The following EMC2 variants were observed in gnomAD, a reference collection of about 807,000 sequenced individuals.
EMC2 encodes the protein ER membrane protein complex subunit 2, also known as TPR repeat protein 35.
Under a neutral mutation model 51.6 loss-of-function variants are expected in EMC2, and 37 were observed. The ratio of observed to expected loss-of-function variants is 0.72; its 90% CI spans 0.55 to 0.94. The LOEUF (loss-of-function observed/expected upper bound fraction) is 0.94. EMC2 is among the 40% of genes least tolerant of loss of function. The pLI is 0.00. For missense variants in EMC2, 359 were observed against 350.9 expected (o/e 1.02, Z -0.18); for synonymous variants, 131 against 112.4 (o/e 1.17, Z -1.04).
At chr8:108,477,581 A>T (rs1810969455) in intron 9 of EMC2, among the ~76,000 whole-genome samples, 1 of 152,046 alleles carries the variant, frequency 6.6e-6, no homozygotes, top group South Asian at 2.1e-4. Flanking sequence ...AAAGGAACTG[A>T]GTGAAGAAAT....
chr8:108,469,923 A>G lies in EMC2; in HGVS notation c.449+12A>G, dbSNP rs774154743. ...GAGTATCTGGAACAGTGAGTATTTT[A>G]CAAGAGGATTGTGTTTTGTTATTCT... On this transcript the variant is annotated intron_variant, in intron 6 of 10. Coordinates refer to ENST00000220853, the MANE Select transcript of EMC2 (RefSeq NM_014673.5). 2.5e-6 allele frequency: 4 copies of G among 1,597,768 alleles called. No homozygotes were observed. Among genetic ancestry groups the G allele is most frequent in the Non-Finnish European group, 3.4e-6 (4 of 1,165,422 alleles).
intron 5 of EMC2, among the ~76,000 whole-genome samples, chr8:108,469,051 C>G (rs1224586263): frequency 6.6e-6 from 1 of 152,160 alleles, no homozygotes; most frequent in Non-Finnish European, 1.5e-5. Flanking sequence ...GTCAGAATCT[C>G]TTCCTTATTT....
chr8:108,481,784 A>G (rs1232428343), intron 10 of EMC2, among the ~76,000 whole-genome samples: 1 of 152,060 alleles, frequency 6.6e-6, no homozygotes, highest in Non-Finnish European at 1.5e-5. Context: ...ATAACCCTAT[A>G]GTTTATGGAA....
intron 5 of EMC2, among the ~76,000 whole-genome samples, chr8:108,466,442 ATTTTTTTTT>A (rs869102478): frequency 1.1e-5 from 1 of 91,060 alleles, no homozygotes; most frequent in African/African-American, 4.7e-5. Flanking sequence ...CTATGATAGA[ATTTTTTTTT>A]TTTTTTTTTT....
chr8:108,461,569 T>C (rs1439500803), intron 5 of EMC2, among the ~76,000 whole-genome samples: 2 of 152,150 alleles, frequency 1.3e-5, no homozygotes, highest in Admixed American at 1.3e-4. Flanking sequence ...TAAGCCTTTA[T>C]TAAAGTACAA....
At chr8:108,481,131 G>GT (rs1006856369) in intron 10 of EMC2, among the ~76,000 whole-genome samples, 3 of 151,960 alleles carry the variant, frequency 2.0e-5, no homozygotes, top group African/African-American at 7.3e-5. Flanking sequence ...CTGTTACCTA[G>GT]TTTTTTTGAA....
chr8:108,447,706 C>T (rs1247810018), intron 1 of EMC2, among the ~76,000 whole-genome samples: 1 of 152,104 alleles, frequency 6.6e-6, no homozygotes, highest in East Asian at 1.9e-4. Flanking sequence ...TAACCTTTGA[C>T]CTTTAGCTCA....
chr8:108,471,704 G>A (rs13258219), intron 7 of EMC2, among the ~76,000 whole-genome samples: 13 of 151,662 alleles, frequency 8.6e-5, no homozygotes, highest in Non-Finnish European at 1.6e-4. Flanking sequence ...TATTTTTAAC[G>A]AGTTTCCTAG....
At chr8:108,449,312 C>T (rs1334851678) in intron 1 of EMC2, among the ~76,000 whole-genome samples, 5 of 148,872 alleles carry the variant, frequency 3.4e-5, no homozygotes, top group African/African-American at 9.9e-5. Flanking sequence ...CTTGCTTTGT[C>T]ACTCAAGCTG....
At chr8:108,459,703 T>TGAGAGA (rs71303985) in intron 5 of EMC2, among the ~76,000 whole-genome samples, 2,664 of 126,252 alleles carry the variant, frequency 0.021, 55 homozygotes, top group East Asian at 0.089. Context: ...CCAAGCCATG[T>TGAGAGA]GAGAGAGAGA....
In EMC2 at chr8:108,485,554, TACACAC is replaced by T. The variant is rs1167425076; in HGVS notation, c.808-948_808-943del. On this transcript the variant is annotated intron_variant, in intron 10 of 10. Coordinates refer to ENST00000220853, the MANE Select transcript of EMC2 (RefSeq NM_014673.5). ...TATAATATATATATGTATATATATA[TACACAC>T]ACACACACATACACACACAATAAAC... Among the ~76,000 whole-genome samples, 18 of 15,212 alleles carry T rather than the reference TACACAC, an allele frequency of 1.2e-3. 1 individual carries two copies. The African/African-American group carries it at 0.015, about 13-fold the overall frequency. 10.0% of individuals were successfully genotyped at this position (15,212 alleles called of 152,430 possible).
intron 5 of EMC2, among the ~76,000 whole-genome samples, chr8:108,466,761 G>T (rs933370614): frequency 1.3e-5 from 2 of 152,010 alleles, no homozygotes; most frequent in African/African-American, 2.4e-5. Context: ...GCCAAAATTG[G>T]TCTTTTTTAC....
At chr8:108,444,213 A>G (rs1818822325) in intron 1 of EMC2, among the ~76,000 whole-genome samples, 1 of 152,166 alleles carries the variant, frequency 6.6e-6, no homozygotes, top group Non-Finnish European at 1.5e-5. Context: ...CCGGGTTTCC[A>G]GTTTCTTTTC....
At chr8:108,446,035 C>A (rs562198271) in intron 1 of EMC2, 1 of 153,274 alleles carries the variant, frequency 6.5e-6, no homozygotes, top group African/African-American at 2.4e-5. Flanking sequence ...ATCATATGGT[C>A]TTTTAGTTTT....
chr8:108,479,871 T>G (rs1789959), intron 10 of EMC2, among the ~76,000 whole-genome samples: 136,270 of 152,204 alleles, frequency 0.9, 61,267 homozygotes, highest in East Asian at 1. Flanking sequence ...AGCTGGGACT[T>G]CAGGTGCAGG....
At chr8:108,463,371 C>G (rs536028156) in intron 5 of EMC2, among the ~76,000 whole-genome samples, 1 of 151,956 alleles carries the variant, frequency 6.6e-6, no homozygotes, top group Non-Finnish European at 1.5e-5. Flanking sequence ...TTATGTTACT[C>G]AAGTACCAGT....
chr8:108,445,268 G>A (rs1333593523), intron 1 of EMC2, among the ~76,000 whole-genome samples: 1 of 152,206 alleles, frequency 6.6e-6, no homozygotes, highest in African/African-American at 2.4e-5. Flanking sequence ...ATAAAAGGAT[G>A]TGTTACTATT....
At chr8:108,464,565 T>A (rs755840930) in intron 5 of EMC2, among the ~76,000 whole-genome samples, 2 of 152,198 alleles carry the variant, frequency 1.3e-5, no homozygotes, top group African/African-American at 4.8e-5. Flanking sequence ...TCCCAAGTGG[T>A]TGTGGATACC....
intron 1 of EMC2, among the ~76,000 whole-genome samples, chr8:108,449,587 A>C (rs1818966397): frequency 6.6e-6 from 1 of 151,950 alleles, no homozygotes; most frequent in Admixed American, 6.6e-5. Context: ...ATCACTTCTA[A>C]AGATAGTCAT....
Sources: gnomAD v4.1 joint callset for allele counts (sites outside exome capture counted in the v4.1 genomes callset) on GRCh38, gnomAD v4.1.1 for gene constraint, MANE v1.5 for transcripts, NCBI Gene and HGNC (gene_info 2026-07-23, HGNC 2026-07-21) for gene names.